The following GPLD1 variants were observed in gnomAD, a reference collection of about 807,000 sequenced individuals.
The protein encoded by GPLD1 is glycosylphosphatidylinositol specific phospholipase D1.
In GPLD1, 84 loss-of-function variants were observed where a neutral mutation model predicts 112.6. That is an observed-to-expected ratio of 0.75 (90% CI 0.63 to 0.89). The LOEUF (loss-of-function observed/expected upper bound fraction) is 0.89, where lower values mean the gene tolerates loss of function less well. Among genes scored for constraint, GPLD1 ranks in the 40% least tolerant of loss-of-function variants. GPLD1 has a pLI of 0.00. For missense variants in GPLD1, 1,044 were observed against 1,051.5 expected, an observed-to-expected ratio of 0.99 and a Z score of 0.10; for synonymous variants, 386 against 403.8, an observed-to-expected ratio of 0.96 and a Z score of 0.53.
chr6:24,472,803 T>A (rs2040261053), intron 6 of GPLD1, among the ~76,000 whole-genome samples, 167 bp from the exon 7 acceptor site: 1 of 152,008 alleles, frequency 6.6e-6, no homozygotes, highest in African/African-American at 2.4e-5. Context: ...TAGACGGAGT[T>A]TTGCTCTTAT....
At chr6:24,481,723 A>G (rs1248281502) in intron 2 of GPLD1, among the ~76,000 whole-genome samples, 1 of 152,164 alleles carries the variant, frequency 6.6e-6, no homozygotes, top group Non-Finnish European at 1.5e-5. Flanking sequence ...GCTGAGTGCT[A>G]GGCTGTCAGC....
At chr6:24,474,437 G>C (rs182037650) in intron 5 of GPLD1, among the ~76,000 whole-genome samples, 10 of 152,106 alleles carry the variant, frequency 6.6e-5, no homozygotes, top group African/African-American at 2.4e-4. Flanking sequence ...AAAAGAGAGA[G>C]AAAAAGTCCA....
At chr6:24,449,364 G>T (rs1022212661) in intron 15 of GPLD1, among the ~76,000 whole-genome samples, 8 of 152,118 alleles carry the variant, frequency 5.3e-5, no homozygotes, top group Non-Finnish European at 1.0e-4. Flanking sequence ...AAGCCCTGTG[G>T]GCCAGGGTCC....
At chr6:24,431,419 A>G (rs1329502449) in intron 24 of GPLD1, among the ~76,000 whole-genome samples, 1 of 152,084 alleles carries the variant, frequency 6.6e-6, no homozygotes, top group African/African-American at 2.4e-5. Flanking sequence ...TTGACTTTCC[A>G]TGTATATGAA....
At position 24,460,374 on chromosome 6, in the gene GPLD1, GA is replaced by G; in HGVS notation, c.912del (p.His305ThrfsTer4). On this transcript the variant is annotated frameshift_variant, in exon 12 of 25. Coordinates refer to ENST00000230036, the MANE Select transcript of GPLD1 (RefSeq NM_001503.4). LOFTEE classifies it high-confidence loss of function. ...TQGSKMQKND[F>X]HRNLTTSLTE... ...GTTAGGGATGTAGTCAAATTTCTGTGAAAATCATTTTTCTGCATTTTTGAGC... is the reference window on the plus strand; with the variant it reads ...GTTAGGGATGTAGTCAAATTTCTGTGAAATCATTTTTCTGCATTTTTGAGC... The G allele has an allele frequency of 6.2e-7, 1 of 1,613,646 alleles. No homozygotes were observed. Among genetic ancestry groups the G allele is most frequent in the Non-Finnish European group, 8.5e-7 (1 of 1,179,726 alleles).
chr6:24,467,565 A>T (rs1413368279), intron 7 of GPLD1, among the ~76,000 whole-genome samples: 3 of 152,218 alleles, frequency 2.0e-5, no homozygotes, highest in Non-Finnish European at 4.4e-5. Flanking sequence ...AGGTATACTC[A>T]GATTGGAAAC....
chr6:24,462,809 C>G lies in GPLD1; in HGVS notation c.822-14G>C. 2 of 1,590,186 alleles carry G rather than the reference C, an allele frequency of 1.3e-6. No homozygotes were observed. Among genetic ancestry groups the G allele is most frequent in the Non-Finnish European group, 8.6e-7 (1 of 1,158,436 alleles). On this transcript the variant is annotated splice_polypyrimidine_tract_variant and intron_variant, in intron 10 of 24. Coordinates refer to ENST00000230036, the MANE Select transcript of GPLD1 (RefSeq NM_001503.4). ...AGGTTGCAGTCACTGAGGAAACAGT[C>G]AAATGAGTTAGCCATTTATCTACTT...
chr6:24,479,123 G>A (rs1764116377), intron 3 of GPLD1, among the ~76,000 whole-genome samples: 1 of 151,948 alleles, frequency 6.6e-6, no homozygotes, highest in South Asian at 2.1e-4. Flanking sequence ...CCAGAGACGT[G>A]CAAGCCCCAA....
intron 12 of GPLD1, among the ~76,000 whole-genome samples, chr6:24,459,535 G>GCCT: frequency 6.6e-6 from 1 of 152,202 alleles, no homozygotes; most frequent in African/African-American, 2.4e-5. Context: ...GGGATTACAG[G>GCCT]CGTGAGCCAC....
At chr6:24,425,183 GGCACACCTCAGA>G (rs1318295823), downstream of GPLD1, 1 of 152,114 alleles carries the variant, frequency 6.6e-6, no homozygotes, top group Non-Finnish European at 1.5e-5. Flanking sequence ...GCACACTTTT[GGCACACCTCAGA>G]GCACACTGCT....
intron 13 of GPLD1, 143 bp downstream of exon 13, chr6:24,456,355 C>A (rs563896152): frequency 1.4e-4 from 80 of 578,930 alleles, no homozygotes; most frequent in African/African-American, 1.2e-3. Flanking sequence ...CAAGATCAAG[C>A]CACTGTACTC....
chr6:24,442,592 C>T (rs891729604), intron 20 of GPLD1, among the ~76,000 whole-genome samples: 2 of 151,730 alleles, frequency 1.3e-5, no homozygotes, highest in Non-Finnish European at 2.9e-5. Context: ...CTACAGGTGC[C>T]CACCACCACG....
At chr6:24,435,460 A>C (rs561429083) in intron 22 of GPLD1, among the ~76,000 whole-genome samples, 1 of 152,324 alleles carries the variant, frequency 6.6e-6, no homozygotes, top group South Asian at 2.1e-4. Flanking sequence ...GCAGAGTGGA[A>C]TTTTAGGTAG....
intron 2 of GPLD1, among the ~76,000 whole-genome samples, chr6:24,480,948 G>A (rs1490531611): frequency 6.6e-6 from 1 of 152,224 alleles, no homozygotes; most frequent in Admixed American, 6.5e-5. Flanking sequence ...GGCTTCCCAC[G>A]TGTTTATGGG....
At chr6:24,430,606 ACTT>A (rs1762372696) in intron 24 of GPLD1, among the ~76,000 whole-genome samples, 1 of 152,170 alleles carries the variant, frequency 6.6e-6, no homozygotes, top group Non-Finnish European at 1.5e-5. Flanking sequence ...AGCACTACTT[ACTT>A]AAGTAGACGC....
chr6:24,489,496 A>G lies in GPLD1; in HGVS notation c.16T>C (p.Leu6=), dbSNP rs1201028715. 6.2e-7 allele frequency: 1 copy of G among 1,613,982 alleles called. No individual in the cohort carries two copies. Among genetic ancestry groups the G allele is most frequent in the Non-Finnish European group, 8.5e-7 (1 of 1,179,898 alleles). The change falls in exon 1 of 25, where the codon TTG becomes CTG. Residue 6 remains leucine (L), a synonymous_variant. Transcript: ENST00000230036. The part of the protein sequence containing the change: MSAFR[L]WPGLLIMLGS... ...AACATGATCAGCAGGCCAGGCCACA[A>G]CCTGAAAGCAGACATGATCTCATTG...
At chr6:24,457,217 C>A (rs975139443) in intron 12 of GPLD1, among the ~76,000 whole-genome samples, 55 of 152,300 alleles carry the variant, frequency 3.6e-4, no homozygotes, top group African/African-American at 1.2e-3. Context: ...CAGTGGCTCA[C>A]ACCTGTAATC....
chr6:24,459,378 C>T (rs911834539), intron 12 of GPLD1, among the ~76,000 whole-genome samples: 11 of 152,128 alleles, frequency 7.2e-5, no homozygotes, highest in Non-Finnish European at 1.0e-4. Flanking sequence ...CTCAGCCTCC[C>T]GAATAGCTGG....
At chr6:24,445,018 T>C (rs74631923) in intron 20 of GPLD1, among the ~76,000 whole-genome samples, 4,093 of 136,666 alleles carry the variant, frequency 0.03, 181 homozygotes, top group African/African-American at 0.13. Flanking sequence ...TATTTTATCT[T>C]ATTTTATTTT....
Sources: gnomAD v4.1 joint callset for allele counts (sites outside exome capture counted in the v4.1 genomes callset) on GRCh38, gnomAD v4.1.1 for gene constraint, MANE v1.5 for transcripts, NCBI Gene and HGNC (gene_info 2026-07-23, HGNC 2026-07-21) for gene names.